The following NXPH3 variants were observed in gnomAD, a reference collection of about 807,000 sequenced individuals.
NXPH3 encodes neurexophilin-3.
A neutral mutation model predicts 18.8 loss-of-function variants in NXPH3; 7 were observed. That is an observed-to-expected ratio of 0.37 (90% CI 0.21 to 0.70). The LOEUF is 0.70. NXPH3 is among the 30% of genes least tolerant of loss of function. NXPH3 has a pLI of 0.53. For missense variants in NXPH3, 282 were observed against 338.1 expected (o/e 0.83, Z 1.30); for synonymous variants, 101 against 137.3 (o/e 0.74, Z 1.85).
chr17:49,580,575 G>C lies in NXPH3; in HGVS notation c.*1275G>C, dbSNP rs79273319. On this transcript the variant is annotated 3_prime_UTR_variant, in exon 2 of 2. Transcript: ENST00000328741. Reference sequence around the variant, plus strand: ...AAACTTGAGCAAACACCCTGGGCTCGGTGCTGGAGGAGGGCGTAGCATCTT... The same window carrying C: ...AAACTTGAGCAAACACCCTGGGCTCCGTGCTGGAGGAGGGCGTAGCATCTT... 114 of 152,396 alleles carry C rather than the reference G, an allele frequency of 7.5e-4. No homozygotes were observed. The highest frequency in any genetic ancestry group is 2.6e-3 in the African/African-American group (108 of 41,570). The allele number at this position is 152,396 out of a possible 1,614,324, so 9.4% of individuals were successfully genotyped here.
chr17:49,582,112 G>A lies in NXPH3; in HGVS notation c.*2812G>A, dbSNP rs2071603647. ...CTGTGCCCGCTTGGTCCTCACAAGG[G>A]CAAGGGGTCCATCCAACTTCCTCTG... On this transcript the variant is annotated 3_prime_UTR_variant, in exon 2 of 2. Coordinates refer to ENST00000328741, the MANE Select transcript of NXPH3 (RefSeq NM_007225.4). 3.8e-6 allele frequency: 2 copies of A among 527,080 alleles called. No homozygotes were observed. Among genetic ancestry groups the A allele is most frequent in the East Asian group, 6.3e-5 (2 of 31,772 alleles). 32.7% of individuals were successfully genotyped at this position (527,080 alleles called of 1,614,324 possible). A position where few individuals can be genotyped will look rare whatever the true frequency, so the allele number is the denominator to read the frequency against.
Position 49,578,960 on chromosome 17 carries a change from G to T in NXPH3, c.419G>T (p.Gly140Val), listed in dbSNP as rs144528540. 6.2e-7 allele frequency: 1 copy of T among 1,614,154 alleles called. No individual in the cohort carries two copies. The highest frequency in any genetic ancestry group is 1.7e-5 in the Admixed American group (1 of 60,020). Residue 140 changes from glycine (G) to valine (V), a missense_variant, in exon 2 of 2, where the codon GGC becomes GTC. Physicochemically the swap from Gly to Val is moderately radical, Grantham distance 109 (BLOSUM62 -3). Coordinates refer to ENST00000328741, the MANE Select transcript of NXPH3 (RefSeq NM_007225.4). The surrounding 1 kb of genome is among the most constrained non-coding windows in gnomAD (Gnocchi z 4.5). ...GTCCACTTCCAACACAATGCCACAGGCCAGGGAAACATCTCCATCAGCCTC... is the reference window on the plus strand; with the variant it reads ...GTCCACTTCCAACACAATGCCACAGTCCAGGGAAACATCTCCATCAGCCTC... The part of the protein sequence containing the change: ...FSVHFQHNAT[G>V]QGNISISLVP...
rs1441128123 is a variant in NXPH3 at position 49,579,127 on chromosome 17, G to C, written c.586G>C (p.Ala196Pro). The change falls in exon 2 of 2, where the codon GCC becomes CCC. Residue 196 changes from alanine (A) to proline (P), a missense_variant. Transcript: ENST00000328741. The surrounding 1 kb of genome is among the most constrained non-coding windows in gnomAD (Gnocchi z 6.0). ...RRTSLCTHDP[A>P]KICSRDHAQS... is the part of the protein sequence containing the mutation. ...GACCTCGCTTTGCACCCACGACCCA[G>C]CCAAGATCTGCTCCCGAGACCACGC... is the stretch of plus-strand genomic sequence containing the variant. The C allele has an allele frequency of 6.2e-7, 1 of 1,613,986 alleles. No homozygotes were observed. Among genetic ancestry groups the C allele is most frequent in the South Asian group, 1.1e-5 (1 of 91,086 alleles).
chr17:49,581,803 G>T lies in NXPH3; in HGVS notation c.*2503G>T. On this transcript the variant is annotated 3_prime_UTR_variant, in exon 2 of 2. Transcript: ENST00000328741. ...TGGCTGAACTCTCAGCAGGCACTGG[G>T]GGCACTTTGACCCCCCTCCTGCTCC... The T allele has an allele frequency of 1.4e-6, 1 of 701,816 alleles. No homozygotes were observed. The highest frequency in any genetic ancestry group is 1.5e-5 in the South Asian group (1 of 67,478). The allele number at this position is 701,816 out of a possible 1,614,324, so 43.5% of individuals were successfully genotyped here.
rs1225751573 is a variant in NXPH3, at chr17:49,581,958, C to T, written c.*2658C>T. 2 of 600,480 alleles carry T rather than the reference C, an allele frequency of 3.3e-6. No homozygotes were observed. The highest frequency in any genetic ancestry group is 6.0e-6 in the Non-Finnish European group (2 of 335,812). The allele number at this position is 600,480 out of a possible 1,614,324, so 37.2% of individuals were successfully genotyped here. On this transcript the variant is annotated 3_prime_UTR_variant, in exon 2 of 2. Transcript: ENST00000328741. The stretch of plus-strand genomic sequence containing the variant: ...TTCACCCTCATGCACACTGCCGCCT[C>T]ATCCCTCCTTTCCACCTTCCCCAGT...
In NXPH3 at chr17:49,579,278, C is replaced by G. The variant is rs766787132; in HGVS notation, c.737C>G (p.Thr246Ser). The G allele has an allele frequency of 3.1e-6, 5 of 1,597,872 alleles. No individual in the cohort carries two copies. In the East Asian group the frequency reaches 8.9e-5, roughly 29 times the overall value. The part of the protein sequence containing the change: ...VCPDYNYHSD[T>S]PYYPSG ...CCAGATTACAACTACCATAGTGATACCCCCTACTACCCATCTGGGTGACCC... is the reference window on the plus strand; with the variant it reads ...CCAGATTACAACTACCATAGTGATAGCCCCTACTACCCATCTGGGTGACCC... Residue 246 changes from threonine (T) to serine (S), a missense_variant, in exon 2 of 2, where the codon ACC becomes AGC. By Grantham distance (58) the Thr-to-Ser change is moderately conservative (BLOSUM62 1). Coordinates refer to ENST00000328741, the MANE Select transcript of NXPH3 (RefSeq NM_007225.4). This position sits in a 1 kb window ranked among gnomAD's most constrained non-coding sequence, Gnocchi z 6.0.
chr17:49,580,752 G>A lies in NXPH3; in HGVS notation c.*1452G>A, dbSNP rs2071596494. On this transcript the variant is annotated 3_prime_UTR_variant, in exon 2 of 2. Coordinates refer to ENST00000328741, the MANE Select transcript of NXPH3 (RefSeq NM_007225.4). ...CTTGGCCATGTCCATTCTCCTCTCT[G>A]GCTTTCTTTCTTTGTTTCTTCCTCT... The A allele has an allele frequency of 6.6e-6, 1 of 152,520 alleles. No homozygotes were observed. The highest frequency in any genetic ancestry group is 2.4e-5 in the African/African-American group (1 of 41,474). 9.4% of individuals were successfully genotyped at this position (152,520 alleles called of 1,614,324 possible). A position where few individuals can be genotyped will look rare whatever the true frequency, so the allele number is the denominator to read the frequency against.
In NXPH3 at chr17:49,576,193, G is replaced by T. The variant is rs755962593; in HGVS notation, c.-27G>T. Reference sequence around the variant, plus strand: ...GGGACCCCGAAAAGAGAAGGGGAGAGCGAGGGGACGAGAGCGGAGGAGGAA... The same window carrying T: ...GGGACCCCGAAAAGAGAAGGGGAGATCGAGGGGACGAGAGCGGAGGAGGAA... On this transcript the variant is annotated 5_prime_UTR_variant, in exon 1 of 2. Transcript: ENST00000328741. 1.9e-6 allele frequency: 3 copies of T among 1,558,968 alleles called. No individual in the cohort carries two copies. In the South Asian group the frequency reaches 3.5e-5, roughly 18 times the overall value.
rs1156667006 is a variant in NXPH3 at position 49,579,128 on chromosome 17, C to A, written c.587C>A (p.Ala196Asp). ...RRTSLCTHDP[A>D]KICSRDHAQS... ...ACCTCGCTTTGCACCCACGACCCAG[C>A]CAAGATCTGCTCCCGAGACCACGCT... The change falls in exon 2 of 2, where the codon GCC becomes GAC. Residue 196 changes from alanine to aspartate, a missense_variant. Ala to Asp is a moderately radical substitution (Grantham distance 126). Transcript: ENST00000328741. The surrounding 1 kb of genome is among the most constrained non-coding windows in gnomAD (Gnocchi z 6.0). 1.9e-6 allele frequency: 3 copies of A among 1,614,014 alleles called. No homozygotes were observed. The highest frequency in any genetic ancestry group is 2.5e-6 in the Non-Finnish European group (3 of 1,180,046).
intron 1 of NXPH3, chr17:49,577,874 C>A (rs973838354): frequency 1.3e-5 from 2 of 152,260 alleles, no homozygotes; most frequent in Non-Finnish European, 2.9e-5. Flanking sequence ...CACTCCGGGT[C>A]TCCCCTAGTT....
In NXPH3 at chr17:49,580,789, G is replaced by C. The variant is rs1040265069; in HGVS notation, c.*1489G>C. 1.3e-5 allele frequency: 2 copies of C among 152,348 alleles called. No homozygotes were observed. Among genetic ancestry groups the C allele is most frequent in the East Asian group, 3.8e-4 (2 of 5,208 alleles). The allele number at this position is 152,348 out of a possible 1,614,324, so 9.4% of individuals were successfully genotyped here. A position where few individuals can be genotyped will look rare whatever the true frequency, so the allele number is the denominator to read the frequency against. ...TTGTTTCTTCCTCTATGACATGAAG[G>C]GCTTGCCCAGACCAGGGGTTCTCAA... On this transcript the variant is annotated 3_prime_UTR_variant, in exon 2 of 2. Coordinates refer to ENST00000328741, the MANE Select transcript of NXPH3 (RefSeq NM_007225.4).
In NXPH3 at chr17:49,576,375, C is replaced by T. The variant is rs1465886690; in HGVS notation, c.54+102C>T. ...CCTGAAACTTTCTCCCTTCCCCCGA[C>T]ATCCCGGGGATGGCGGGGAAGACTG... On this transcript the variant is annotated intron_variant, in intron 1 of 1. Transcript: ENST00000328741. The T allele has an allele frequency of 1.8e-5, 24 of 1,317,632 alleles. No individual in the cohort carries two copies. In the East Asian group the frequency reaches 5.5e-4, roughly 30 times the overall value. 81.6% of individuals were successfully genotyped at this position (1,317,632 alleles called of 1,614,324 possible).
In NXPH3 at chr17:49,579,128, C is replaced by T. The variant is rs1156667006; in HGVS notation, c.587C>T (p.Ala196Val). ...RRTSLCTHDP[A>V]KICSRDHAQS... is the part of the protein sequence containing the mutation. ...ACCTCGCTTTGCACCCACGACCCAGCCAAGATCTGCTCCCGAGACCACGCT... is the reference window on the plus strand; with the variant it reads ...ACCTCGCTTTGCACCCACGACCCAGTCAAGATCTGCTCCCGAGACCACGCT... Residue 196 changes from alanine (A) to valine (V), a missense_variant, in exon 2 of 2, where the codon GCC (alanine) becomes GTC (valine). By Grantham distance (64) the Ala-to-Val change is moderately conservative. Coordinates refer to ENST00000328741, the MANE Select transcript of NXPH3 (RefSeq NM_007225.4). This position sits in a 1 kb window ranked among gnomAD's most constrained non-coding sequence, Gnocchi z 6.0. 1 of 1,613,896 alleles carries T rather than the reference C, an allele frequency of 6.2e-7. No homozygotes were observed. The highest frequency in any genetic ancestry group is 1.3e-5 in the African/African-American group (1 of 74,952).
In NXPH3 at chr17:49,576,252, G is replaced by A; in HGVS notation, c.33G>A (p.Leu11=). The change falls in exon 1 of 2, where the codon CTG becomes CTA. Residue 11 remains leucine, a synonymous_variant. Coordinates refer to ENST00000328741, the MANE Select transcript of NXPH3 (RefSeq NM_007225.4). ...TGACTCGCTGCTGCTTCGTGTTCCT[G>A]GTGCAGGGTAGCCTCTATCTGGTGA... MQLTRCCFVF[L]VQGSLYLVIC... 1 of 1,569,042 alleles carries A rather than the reference G, an allele frequency of 6.4e-7. No individual in the cohort carries two copies. The highest frequency in any genetic ancestry group is 8.6e-7 in the Non-Finnish European group (1 of 1,157,334).
intron 1 of NXPH3, among the ~76,000 whole-genome samples, chr17:49,577,542 T>C (rs916463875): frequency 5.3e-5 from 8 of 152,200 alleles, no homozygotes; most frequent in Non-Finnish European, 8.8e-5. Flanking sequence ...ATCTCCCAGG[T>C]GTGGGTTGTC....
chr17:49,583,053 C>T lies in NXPH3; in HGVS notation c.*3753C>T, dbSNP rs546874093. On this transcript the variant is annotated 3_prime_UTR_variant, in exon 2 of 2. Coordinates refer to ENST00000328741, the MANE Select transcript of NXPH3 (RefSeq NM_007225.4). ...GATTCAGGTGGCGAGGCCCATTGCT[C>T]GAGATGCACCTGGTGGGTGGGTGGC... The T allele has an allele frequency of 2.0e-5, 3 of 152,162 alleles. No individual in the cohort carries two copies. The highest frequency in any genetic ancestry group is 1.9e-4 in the East Asian group (1 of 5,174). The allele number at this position is 152,162 out of a possible 1,614,324, so 9.4% of individuals were successfully genotyped here.
At position 49,583,417 on chromosome 17, in the gene NXPH3, A is replaced by T. The variant is rs2071610913; in HGVS notation, c.*4117A>T. On this transcript the variant is annotated 3_prime_UTR_variant, in exon 2 of 2. Transcript: ENST00000328741. The stretch of plus-strand genomic sequence containing the variant: ...TCTTGGAGTGGCAGCTGGCACCATC[A>T]CCAAGGCACAAATGCCAGCAGAGAC... The T allele has an allele frequency of 6.6e-6, 1 of 152,268 alleles. No individual in the cohort carries two copies. Among genetic ancestry groups the T allele is most frequent in the African/African-American group, 2.4e-5 (1 of 41,440 alleles). The allele number at this position is 152,268 out of a possible 1,614,324, so 9.4% of individuals were successfully genotyped here.
At position 49,583,714 on chromosome 17, in the gene NXPH3, C is replaced by G. The variant is rs1295619022; in HGVS notation, c.*4414C>G. 15 of 152,240 alleles carry G rather than the reference C, an allele frequency of 9.9e-5. No individual in the cohort carries two copies. The highest frequency in any genetic ancestry group is 9.8e-4 in the Admixed American group (15 of 15,290). 9.4% of individuals were successfully genotyped at this position (152,240 alleles called of 1,614,324 possible). On this transcript the variant is annotated 3_prime_UTR_variant, in exon 2 of 2. Transcript: ENST00000328741. ...AATTTATTAGACGTGTGGCTTTGGA[C>G]AAATGACATAATTTCCCAGAGCCTC...
In NXPH3 at chr17:49,576,274, G is replaced by A; in HGVS notation, c.54+1G>A. ...CCTGGTGCAGGGTAGCCTCTATCTG[G>A]TGAGTGGTCCGAGGGGAGCTGCGCA... On this transcript the variant is annotated splice_donor_variant, in intron 1 of 1. Coordinates refer to ENST00000328741, the MANE Select transcript of NXPH3 (RefSeq NM_007225.4). LOFTEE classifies it high-confidence loss of function. 2 of 1,566,666 alleles carry A rather than the reference G, an allele frequency of 1.3e-6. No individual in the cohort carries two copies. The highest frequency in any genetic ancestry group is 1.7e-6 in the Non-Finnish European group (2 of 1,156,076).
Sources: gnomAD v4.1 joint callset for allele counts (sites outside exome capture counted in the v4.1 genomes callset) on GRCh38, gnomAD v4.1.1 for gene constraint, Gnocchi (gnomAD v3.1) non-coding constraint, MANE v1.5 for transcripts, NCBI Gene and HGNC (gene_info 2026-07-23, HGNC 2026-07-21) for gene names.